ST6GALNAC5: variants seen among roughly 807,000 people sequenced by gnomAD.
ST6GALNAC5 encodes alpha-N-acetylgalactosaminide alpha-2,6-sialyltransferase 5.
Under a neutral mutation model 33.6 loss-of-function variants are expected in ST6GALNAC5, and 27 were observed. The ratio of observed to expected loss-of-function variants is 0.80; its 90% confidence interval spans 0.59 to 1.11. ST6GALNAC5 has a LOEUF of 1.11. Among genes scored for constraint, ST6GALNAC5 ranks in the 50% least tolerant of loss-of-function variants. The pLI is 0.00. For synonymous variants in ST6GALNAC5, 194 were observed against 171.2 expected (o/e 1.13, Z -1.04); for missense variants, 428 against 454.0 (o/e 0.94, Z 0.52).
chr1:76,882,959 C>T (rs907856581), intron 2 of ST6GALNAC5, among the ~76,000 whole-genome samples: 11 of 152,142 alleles, frequency 7.2e-5, no homozygotes, highest in Non-Finnish European at 1.5e-4. Context: ...ACCCAGGCAC[C>T]GCACATACCT....
intron 2 of ST6GALNAC5, among the ~76,000 whole-genome samples, chr1:77,010,496 A>AAAAAATAAAAATAAAAAT (rs991474643): frequency 6.6e-6 from 1 of 152,116 alleles, no homozygotes; most frequent in East Asian, 1.9e-4. Context: ...CTCTGTCTCA[A>AAAAAATAAAAATAAAAAT]AAAAATAAAA....
intron 2 of ST6GALNAC5, among the ~76,000 whole-genome samples, chr1:76,878,966 C>A (rs1653714810): frequency 6.6e-6 from 1 of 152,126 alleles, no homozygotes; most frequent in South Asian, 2.1e-4. Context: ...TTGGCCCCTG[C>A]CACCTCAGGA....
chr1:77,007,386 G>T (rs980837047), intron 2 of ST6GALNAC5, among the ~76,000 whole-genome samples: 1 of 152,154 alleles, frequency 6.6e-6, no homozygotes, highest in African/African-American at 2.4e-5. Context: ...TACTTATTGT[G>T]AATCTACTCA....
At chr1:76,909,591 G>T (rs932327519) in intron 2 of ST6GALNAC5, among the ~76,000 whole-genome samples, 1 of 151,862 alleles carries the variant, frequency 6.6e-6, no homozygotes, top group African/African-American at 2.4e-5. Flanking sequence ...TAAAATTGTT[G>T]CAAAAAGAAA....
At position 76,867,631 on chromosome 1, in the gene ST6GALNAC5, C is replaced by G. The variant is rs1469262562; in HGVS notation, c.-45C>G. On this transcript the variant is annotated 5_prime_UTR_variant, in exon 1 of 5. Coordinates refer to ENST00000477717, the MANE Select transcript of ST6GALNAC5 (RefSeq NM_030965.3). Reference sequence around the variant, plus strand: ...GGAAACCCTCCAGGAAAAAGTGGCCCCGGACGCGCGAGCCTGAGGATTCTG... The same window carrying G: ...GGAAACCCTCCAGGAAAAAGTGGCCGCGGACGCGCGAGCCTGAGGATTCTG... 6.2e-7 allele frequency: 1 copy of G among 1,614,026 alleles called. No individual in the cohort carries two copies. The highest frequency in any genetic ancestry group is 2.2e-5 in the East Asian group (1 of 44,866).
rs1418636047 is a variant in ST6GALNAC5 at position 76,867,517 on chromosome 1, CT to C, written c.-157del. ...GTCTCTAATCTCTGCAACAGCCGCGCTTCCCGGGTCCCGCGGCTCCCGCGCG... is the reference window on the plus strand; with the variant it reads ...GTCTCTAATCTCTGCAACAGCCGCGCTCCCGGGTCCCGCGGCTCCCGCGCG... On this transcript the variant is annotated 5_prime_UTR_variant, in exon 1 of 5. Transcript: ENST00000477717. The C allele has an allele frequency of 7.4e-6, 8 of 1,079,062 alleles. No individual in the cohort carries two copies. Among genetic ancestry groups the C allele is most frequent in the Non-Finnish European group, 1.1e-5 (8 of 698,790 alleles). 66.8% of individuals were successfully genotyped at this position (1,079,062 alleles called of 1,614,324 possible). A position where few individuals can be genotyped will look rare whatever the true frequency, so the allele number is the denominator to read the frequency against.
intron 2 of ST6GALNAC5, among the ~76,000 whole-genome samples, chr1:77,010,919 CA>C: frequency 6.6e-6 from 1 of 152,326 alleles, no homozygotes; most frequent in South Asian, 2.1e-4. Flanking sequence ...TCTATCTTCC[CA>C]GAGAAATCTA....
chr1:76,896,255 C>A (rs1012477726), intron 2 of ST6GALNAC5, among the ~76,000 whole-genome samples: 4 of 152,066 alleles, frequency 2.6e-5, no homozygotes, highest in African/African-American at 9.7e-5. Flanking sequence ...CTAGACTAAG[C>A]GGTATTTTAG....
chr1:77,002,467 C>T lies in ST6GALNAC5; in HGVS notation c.262-41737C>T, dbSNP rs535511146. 5.2e-4 allele frequency among the ~76,000 whole-genome samples: 78 copies of T among 148,916 alleles called. No homozygotes were observed. In the East Asian group the frequency reaches 0.013, roughly 25 times the overall value. On this transcript the variant is annotated intron_variant, in intron 2 of 4. Transcript: ENST00000477717. ...CTCCTGGATTCATTAATTTTTTGAA[C>T]GGTTTTTTGTGTCTCTATTTCCTTC...
chr1:76,944,306 A>G (rs184174850), intron 2 of ST6GALNAC5, among the ~76,000 whole-genome samples: 2 of 152,242 alleles, frequency 1.3e-5, no homozygotes, highest in African/African-American at 2.4e-5. Flanking sequence ...GTAGGTCAAG[A>G]TGACCTAGAG....
At chr1:76,870,255 A>T (rs751966792) in intron 2 of ST6GALNAC5, among the ~76,000 whole-genome samples, 1 of 152,226 alleles carries the variant, frequency 6.6e-6, no homozygotes, top group Non-Finnish European at 1.5e-5. Context: ...AAGTTTAGAC[A>T]TTAGCTTCTG....
intron 4 of ST6GALNAC5, among the ~76,000 whole-genome samples, chr1:77,054,996 T>C (rs973519843): frequency 3.9e-5 from 6 of 152,122 alleles, no homozygotes; most frequent in Non-Finnish European, 8.8e-5. Context: ...GTCATTTGAA[T>C]GGCATGCAGC....
At chr1:76,896,857 T>C (rs1187483773) in intron 2 of ST6GALNAC5, among the ~76,000 whole-genome samples, 2 of 152,170 alleles carry the variant, frequency 1.3e-5, no homozygotes, top group African/African-American at 2.4e-5. Flanking sequence ...TGGCAGCCAC[T>C]GCATGCAGAC....
At chr1:76,936,156 T>C (rs1647200970) in intron 2 of ST6GALNAC5, among the ~76,000 whole-genome samples, 1 of 152,064 alleles carries the variant, frequency 6.6e-6, no homozygotes, top group African/African-American at 2.4e-5. Context: ...ATACCTCTAG[T>C]TGGGTGGCAT....
intron 2 of ST6GALNAC5, among the ~76,000 whole-genome samples, chr1:76,930,901 G>A (rs984366193): frequency 3.9e-5 from 6 of 152,124 alleles, no homozygotes; most frequent in African/African-American, 1.2e-4. Flanking sequence ...TCTTAAAGTG[G>A]CCTCCAATTC....
At chr1:76,930,766 C>A (rs561448338) in intron 2 of ST6GALNAC5, among the ~76,000 whole-genome samples, 1 of 152,206 alleles carries the variant, frequency 6.6e-6, no homozygotes, top group Non-Finnish European at 1.5e-5. Context: ...CAGCAGCCAT[C>A]CAGACACCTC....
At position 76,882,922 on chromosome 1, in the gene ST6GALNAC5, C is replaced by A. The variant is rs544459954; in HGVS notation, c.261+14180C>A. On this transcript the variant is annotated intron_variant, in intron 2 of 4. Transcript: ENST00000477717. ...CCTAGGCACTACGCACCCAGGGATA[C>A]CGCTGCCCTCAGCCTAGGCACCACG... 5.9e-5 allele frequency among the ~76,000 whole-genome samples: 9 copies of A among 152,200 alleles called. No individual in the cohort carries two copies. In the South Asian group the frequency reaches 1.7e-3, roughly 28 times the overall value.
intron 2 of ST6GALNAC5, among the ~76,000 whole-genome samples, chr1:77,027,768 A>T (rs1020387225): frequency 2.0e-5 from 3 of 152,180 alleles, no homozygotes; most frequent in Non-Finnish European, 4.4e-5. Context: ...TTTGGTGGTG[A>T]TGTTCTGATG....
At chr1:77,016,027 T>TC (rs1485465313) in intron 2 of ST6GALNAC5, among the ~76,000 whole-genome samples, 1 of 150,884 alleles carries the variant, frequency 6.6e-6, no homozygotes, top group Non-Finnish European at 1.5e-5. Flanking sequence ...CTCCTCCACC[T>TC]CCTCCTCCTC....
Sources: gnomAD v4.1 joint callset for allele counts (sites outside exome capture counted in the v4.1 genomes callset) on GRCh38, gnomAD v4.1.1 for gene constraint, MANE v1.5 for transcripts, NCBI Gene and HGNC (gene_info 2026-07-23, HGNC 2026-07-21) for gene names.